The following ENTREP1 variants were observed in gnomAD, a reference collection of about 807,000 sequenced individuals.
ENTREP1 encodes Friedreich ataxia region gene X123.
the ENTREP1 span, among the ~76,000 whole-genome samples, chr9:69,359,585 C>T: frequency 6.6e-6 from 1 of 152,208 alleles, no homozygotes; most frequent in Admixed American, 6.5e-5. Context: ...CCTTCACCTT[C>T]TGCCGTGATT....
At chr9:69,329,692 G>A in the ENTREP1 span, 4 of 984,502 alleles carry the variant, frequency 4.1e-6, no homozygotes, top group Non-Finnish European at 4.8e-6. Context: ...CCTGGCATTT[G>A]ACTGGAGGTG....
chr9:69,332,925 T>C, the ENTREP1 span, among the ~76,000 whole-genome samples: 1 of 152,184 alleles, frequency 6.6e-6, no homozygotes, highest in Non-Finnish European at 1.5e-5. Context: ...AATATGGAAA[T>C]GATTGAATAC....
the ENTREP1 span, among the ~76,000 whole-genome samples, chr9:69,327,010 GA>G: frequency 0.85 from 117,997 of 139,412 alleles, 49,660 homozygotes; most frequent in African/African-American, 0.93. Context: ...AGACCAAATT[GA>G]AAAAAAAAAA....
chr9:69,371,116 A>G, the ENTREP1 span: 1 of 273,810 alleles, frequency 3.7e-6, no homozygotes, highest in South Asian at 3.9e-5. Context: ...CCTGTGTTTC[A>G]CTTATATTCC....
chr9:69,375,376 G>T, the ENTREP1 span, among the ~76,000 whole-genome samples: 2 of 152,302 alleles, frequency 1.3e-5, no homozygotes, highest in African/African-American at 4.8e-5. Context: ...AAGTGAGTTT[G>T]GTTCCTTTTG....
the ENTREP1 span, among the ~76,000 whole-genome samples, chr9:69,364,331 G>A: frequency 6.6e-6 from 1 of 151,710 alleles, no homozygotes; most frequent in Non-Finnish European, 1.5e-5. Context: ...TTTGAGCCAT[G>A]TCTCTAGATT....
At chr9:69,341,963 A>G in the ENTREP1 span, among the ~76,000 whole-genome samples, 1 of 152,082 alleles carries the variant, frequency 6.6e-6, no homozygotes, top group South Asian at 2.1e-4. Flanking sequence ...GATCAGAATA[A>G]TATTTTAAGA....
At chr9:69,342,920 A>G in the ENTREP1 span, among the ~76,000 whole-genome samples, 1 of 152,246 alleles carries the variant, frequency 6.6e-6, no homozygotes, top group Admixed American at 6.5e-5. Flanking sequence ...GGCATTGGGT[A>G]AGAACTTGGG....
chr9:69,329,616 A>T, the ENTREP1 span: 1 of 985,226 alleles, frequency 1.0e-6, no homozygotes, highest in South Asian at 4.7e-5. Context: ...ATCACCGGTA[A>T]ATCACTCAAT....
At chr9:69,371,501 A>G in the ENTREP1 span, 9 of 1,609,828 alleles carry the variant, frequency 5.6e-6, no homozygotes, top group Non-Finnish European at 7.7e-6. Flanking sequence ...CATTTCAGGT[A>G]AACCTCTTTG....
the ENTREP1 span, among the ~76,000 whole-genome samples, chr9:69,340,958 A>G: frequency 5.3e-5 from 8 of 152,216 alleles, no homozygotes; most frequent in Non-Finnish European, 1.2e-4. Context: ...CAAATGATGG[A>G]CAATGCTAGA....
At chr9:69,387,978 T>G in the ENTREP1 span, 1 of 1,532,410 alleles carries the variant, frequency 6.5e-7, no homozygotes, top group Admixed American at 2.0e-5. Context: ...GGAACTGGAC[T>G]TCAGGGAATA....
the ENTREP1 span, among the ~76,000 whole-genome samples, chr9:69,376,932 A>G: frequency 6.6e-6 from 1 of 152,202 alleles, no homozygotes; most frequent in Non-Finnish European, 1.5e-5. Flanking sequence ...TGCTCTTGAA[A>G]TAGAATTAGT....
At chr9:69,349,545 T>G in the ENTREP1 span, among the ~76,000 whole-genome samples, 5 of 152,342 alleles carry the variant, frequency 3.3e-5, no homozygotes, top group African/African-American at 4.8e-5. Context: ...ATTGGCCATT[T>G]GTACATCATC....
chr9:69,374,274 A>T, the ENTREP1 span, among the ~76,000 whole-genome samples: 4 of 151,510 alleles, frequency 2.6e-5, no homozygotes, highest in South Asian at 4.2e-4. Context: ...GTTGATGGAC[A>T]GTTAGGTTGT....
chr9:69,390,138 A>C, the ENTREP1 span, among the ~76,000 whole-genome samples: 1 of 152,268 alleles, frequency 6.6e-6, no homozygotes, highest in Non-Finnish European at 1.5e-5. Context: ...ACTTCTTTGA[A>C]TGTTGAACTT....
At chr9:69,371,616 A>C in the ENTREP1 span, 1 of 1,584,632 alleles carries the variant, frequency 6.3e-7, no homozygotes, top group Non-Finnish European at 8.7e-7. Flanking sequence ...TCTGGTAAGC[A>C]GTCCTAAAAC....
chr9:69,373,383 C>T, the ENTREP1 span, among the ~76,000 whole-genome samples: 1 of 152,140 alleles, frequency 6.6e-6, no homozygotes, highest in East Asian at 1.9e-4. Flanking sequence ...CACCCCAAAT[C>T]CTTAGTAACA....
the ENTREP1 span, chr9:69,381,452 C>T: frequency 2.6e-5 from 4 of 152,172 alleles, no homozygotes; most frequent in African/African-American, 9.7e-5. Context: ...CAGTGGTGCT[C>T]AATCTTGGTG....
Sources: gnomAD v4.1 joint callset for allele counts (sites outside exome capture counted in the v4.1 genomes callset) on GRCh38, gnomAD v4.1.1 for gene constraint, MANE v1.5 for transcripts, NCBI Gene and HGNC (gene_info 2026-07-23, HGNC 2026-07-21) for gene names.